ADAMTS2: variants seen among roughly 807,000 people sequenced by gnomAD.
ADAMTS2 encodes the protein ADAM metallopeptidase with thrombospondin type 1 motif 2, also known as A disintegrin and metalloproteinase with thrombospondin motifs 2.
Under a neutral mutation model 123.0 loss-of-function variants are expected in ADAMTS2, and 50 were observed. That is an observed-to-expected ratio of 0.41 (90% CI 0.32 to 0.51). The LOEUF (loss-of-function observed/expected upper bound fraction) is 0.51, where lower values mean the gene tolerates loss of function less well. Ranked by LOEUF, ADAMTS2 falls within the 20% of genes least tolerant of loss-of-function variation. The probability of loss-of-function intolerance (pLI) is 0.35; values close to 1 mark genes in which losing one functional copy is unlikely to be tolerated. For missense variants in ADAMTS2, 1,494 were observed against 1,705.2 expected (o/e 0.88, Z 2.18); for synonymous variants, 678 against 695.4 (o/e 0.98, Z 0.39).
At position 179,179,053 on chromosome 5, in the gene ADAMTS2, G is replaced by A. The variant is rs749953095; in HGVS notation, c.975+2019C>T. 2.0e-5 allele frequency among the ~76,000 whole-genome samples: 3 copies of A among 151,896 alleles called. No homozygotes were observed. The East Asian group carries it at 5.8e-4, about 29-fold the overall frequency. The stretch of plus-strand genomic sequence containing the variant: ...TCTGCCTCCCGGGTTCAAGCAATTC[G>A]CCCACCTCAGCCTCCCAAATAGTTG... On this transcript the variant is annotated intron_variant, in intron 5 of 21. Transcript: ENST00000251582.
In ADAMTS2 at chr5:179,149,762, C is replaced by A. The variant is rs557559903; in HGVS notation, c.1629+2380G>T. Among the ~76,000 whole-genome samples, 4 of 152,362 alleles carry A rather than the reference C, an allele frequency of 2.6e-5. No individual in the cohort carries two copies. In the South Asian group the frequency reaches 8.3e-4, roughly 32 times the overall value. On this transcript the variant is annotated intron_variant, in intron 10 of 21. Coordinates refer to ENST00000251582, the MANE Select transcript of ADAMTS2 (RefSeq NM_014244.5). Reference sequence around the variant, plus strand: ...TGACAGCAGCCCGGGAGGAGCCCGTCTTCCACGTTCCCCCAACATCCCCAC... The same window carrying A: ...TGACAGCAGCCCGGGAGGAGCCCGTATTCCACGTTCCCCCAACATCCCCAC...
At position 179,259,295 on chromosome 5, in the gene ADAMTS2, C is replaced by T. The variant is rs964895260; in HGVS notation, c.688+13616G>A. 2.0e-5 allele frequency among the ~76,000 whole-genome samples: 3 copies of T among 152,230 alleles called. No homozygotes were observed. In the South Asian group the frequency reaches 6.2e-4, roughly 32 times the overall value. On this transcript the variant is annotated intron_variant, in intron 3 of 21. Coordinates refer to ENST00000251582, the MANE Select transcript of ADAMTS2 (RefSeq NM_014244.5). ...GCCCAACGTCCAGTGACTGCGGGCT[C>T]ACTCTGTGGCACTTCCCAAGTCTTT...
intron 5 of ADAMTS2, among the ~76,000 whole-genome samples, chr5:179,178,065 G>A (rs1763968366): frequency 6.6e-6 from 1 of 152,200 alleles, no homozygotes; most frequent in Non-Finnish European, 1.5e-5. Flanking sequence ...CCCAGGACCA[G>A]GAGTTTCCCA....
In ADAMTS2 at chr5:179,257,722, C is replaced by T. The variant is rs187507487; in HGVS notation, c.688+15189G>A. Among the ~76,000 whole-genome samples, 502 of 152,316 alleles carry T rather than the reference C, an allele frequency of 3.3e-3. 1 individual carries two copies. Among genetic ancestry groups the T allele is most frequent in the African/African-American group, 0.012 (489 of 41,570 alleles). On this transcript the variant is annotated intron_variant, in intron 3 of 21. Coordinates refer to ENST00000251582, the MANE Select transcript of ADAMTS2 (RefSeq NM_014244.5). ...AAAATTCCTCTGAAGTACATTTCAACTCCGAGGCAGCCCTGGCCACATCCA... is the reference window on the plus strand; with the variant it reads ...AAAATTCCTCTGAAGTACATTTCAATTCCGAGGCAGCCCTGGCCACATCCA...
chr5:179,134,671 C>T (rs890578020), intron 13 of ADAMTS2, among the ~76,000 whole-genome samples: 24 of 152,302 alleles, frequency 1.6e-4, no homozygotes, highest in Admixed American at 8.5e-4. Context: ...CCCAGCCTCC[C>T]GGCCCTGCCG....
chr5:179,250,886 C>T (rs755813659), intron 3 of ADAMTS2, among the ~76,000 whole-genome samples: 1 of 152,228 alleles, frequency 6.6e-6, no homozygotes. Context: ...ACAGGCATCA[C>T]GCATCCTGCC....
At chr5:179,244,784 A>G (rs976679626) in intron 3 of ADAMTS2, among the ~76,000 whole-genome samples, 5 of 152,222 alleles carry the variant, frequency 3.3e-5, no homozygotes, top group Non-Finnish European at 5.9e-5. Flanking sequence ...AAATGACACC[A>G]GATGGGAACT....
chr5:179,156,722 C>G (rs1763479285), intron 6 of ADAMTS2, among the ~76,000 whole-genome samples: 1 of 152,104 alleles, frequency 6.6e-6, no homozygotes, highest in African/African-American at 2.4e-5. Context: ...TTGTTGTTCT[C>G]TAATTTTTCA....
intron 4 of ADAMTS2, among the ~76,000 whole-genome samples, chr5:179,198,151 G>T (rs932692223): frequency 1.3e-5 from 2 of 152,146 alleles, no homozygotes; most frequent in African/African-American, 4.8e-5. Flanking sequence ...GGGGCGGGGG[G>T]CGGGCCTGGG....
At chr5:179,136,190 C>T in intron 12 of ADAMTS2, 148 bp from the exon 13 acceptor site, 1 of 1,116,934 alleles carries the variant, frequency 9.0e-7, no homozygotes, top group Non-Finnish European at 1.3e-6. Flanking sequence ...GGGTGGGTGA[C>T]AGCAGCCCCC....
In ADAMTS2 at chr5:179,345,308, G is replaced by C. The variant is rs1757917963; in HGVS notation, c.21C>G (p.Ala7=). 3 of 1,134,090 alleles carry C rather than the reference G, an allele frequency of 2.6e-6. No homozygotes were observed. Among genetic ancestry groups the C allele is most frequent in the Non-Finnish European group, 3.2e-6 (3 of 926,232 alleles). 70.3% of individuals were successfully genotyped at this position (1,134,090 alleles called of 1,614,324 possible). A position where few individuals can be genotyped will look rare whatever the true frequency, so the allele number is the denominator to read the frequency against. ...GCGCGGGGCAGAGCAGGCGGCGAGC[G>C]GCTCCCGCCGGCGGATCCATGGCAG... The part of the protein sequence containing the change: MDPPAG[A]ARRLLCPALL... The change falls in exon 1 of 22, where the codon GCC becomes GCG. Residue 7 remains alanine, a synonymous_variant. Coordinates refer to ENST00000251582, the MANE Select transcript of ADAMTS2 (RefSeq NM_014244.5). The surrounding 1 kb of genome is among the most constrained non-coding windows in gnomAD (Gnocchi z 7.5).
intron 2 of ADAMTS2, among the ~76,000 whole-genome samples, chr5:179,341,696 TAG>T (rs1305543728): frequency 1.6e-4 from 22 of 136,502 alleles, no homozygotes; most frequent in African/African-American, 5.0e-4. Context: ...GCCTGGGTAA[TAG>T]AGTGAGACTC....
chr5:179,310,811 G>A (rs546548231), intron 2 of ADAMTS2, among the ~76,000 whole-genome samples: 134 of 152,276 alleles, frequency 8.8e-4, no homozygotes, highest in African/African-American at 3.0e-3. Context: ...GGGACGCAGA[G>A]GCATCAGGGC....
In ADAMTS2 at chr5:179,344,007, G is replaced by A. The variant is rs778807409; in HGVS notation, c.294C>T (p.Pro98=). ...RAAPVRTPSF[P]GGNEEEPGSH... ...TGCCAGGCTCCTCCTCGTTGCCTCC[G>A]GGGAAGCTCGGGGTCCGGACCGGGG... The change falls in exon 2 of 22, where the codon CCC becomes CCT. Residue 98 remains proline (P), a synonymous_variant. Coordinates refer to ENST00000251582, the MANE Select transcript of ADAMTS2 (RefSeq NM_014244.5). 11 of 1,612,560 alleles carry A rather than the reference G, an allele frequency of 6.8e-6. No homozygotes were observed. The highest frequency in any genetic ancestry group is 1.7e-5 in the Admixed American group (1 of 59,998).
chr5:179,168,095 C>T (rs892875264), intron 5 of ADAMTS2, among the ~76,000 whole-genome samples: 1 of 152,224 alleles, frequency 6.6e-6, no homozygotes, highest in Non-Finnish European at 1.5e-5. Context: ...CATTTCTCAA[C>T]CTCAGCACTC....
intron 18 of ADAMTS2, among the ~76,000 whole-genome samples, chr5:179,125,772 C>A (rs1248457243): frequency 1.3e-5 from 2 of 152,262 alleles, no homozygotes; most frequent in Non-Finnish European, 1.5e-5. Flanking sequence ...CCCATCTGGG[C>A]ATCCCTGTTT....
At chr5:179,133,687 A>C (rs1763003307) in intron 13 of ADAMTS2, among the ~76,000 whole-genome samples, 1 of 151,730 alleles carries the variant, frequency 6.6e-6, no homozygotes, top group Non-Finnish European at 1.5e-5. Flanking sequence ...ACCTGCTATT[A>C]CCTGTCAAAA....
chr5:179,231,025 G>A (rs893664116), intron 3 of ADAMTS2, among the ~76,000 whole-genome samples: 6 of 151,398 alleles, frequency 4.0e-5, no homozygotes, highest in African/African-American at 1.2e-4. Context: ...AAAAAAAGCC[G>A]GGGGGGCTAC....
intron 2 of ADAMTS2, among the ~76,000 whole-genome samples, chr5:179,342,195 T>C (rs1218210860): frequency 2.0e-5 from 3 of 152,046 alleles, no homozygotes; most frequent in Non-Finnish European, 4.4e-5. Context: ...CCCAAAATGC[T>C]CTCCATCAGG....
Sources: gnomAD v4.1 joint callset for allele counts (sites outside exome capture counted in the v4.1 genomes callset) on GRCh38, gnomAD v4.1.1 for gene constraint, Gnocchi (gnomAD v3.1) non-coding constraint, MANE v1.5 for transcripts, NCBI Gene and HGNC (gene_info 2026-07-23, HGNC 2026-07-21) for gene names.